The following CADM2 variants were observed in gnomAD, a reference collection of about 807,000 sequenced individuals.
The protein encoded by CADM2 is immunoglobulin superfamily member 4D.
Under a neutral mutation model 49.8 loss-of-function variants are expected in CADM2, and 12 were observed. The observed-to-expected ratio is 0.24, with a 90% CI of 0.15 to 0.39. CADM2 has a LOEUF of 0.39. Among genes scored for constraint, CADM2 ranks in the 10% least tolerant of loss-of-function variants. CADM2 has a pLI of 1.00. For synonymous variants in CADM2, 214 were observed against 175.4 expected, an observed-to-expected ratio of 1.22 and a Z score of -1.74; for missense variants, 378 against 492.3, an observed-to-expected ratio of 0.77 and a Z score of 2.20.
chr3:85,219,999 GAGAT>G (rs1375976251), intron 1 of CADM2, among the ~76,000 whole-genome samples: 2 of 152,094 alleles, frequency 1.3e-5, no homozygotes, highest in African/African-American at 4.8e-5. Flanking sequence ...AGGTATAATG[GAGAT>G]AGATAAAATT....
chr3:85,723,907 G>GA (rs2067596232), intron 1 of CADM2, among the ~76,000 whole-genome samples: 1 of 151,984 alleles, frequency 6.6e-6, no homozygotes, highest in Admixed American at 6.6e-5. Context: ...ATTTGAGTTT[G>GA]AAGCAAATTT....
At chr3:85,634,717 T>C (rs1437706007) in intron 1 of CADM2, among the ~76,000 whole-genome samples, 7 of 152,132 alleles carry the variant, frequency 4.6e-5, no homozygotes, top group African/African-American at 1.7e-4. Context: ...TATCAATGTG[T>C]ACTTGACTCT....
intron 1 of CADM2, among the ~76,000 whole-genome samples, chr3:85,124,678 T>G (rs79361856): frequency 0.014 from 2,088 of 152,286 alleles, 22 homozygotes; most frequent in Non-Finnish European, 0.024. Context: ...TATTCAAACA[T>G]TCAATTACAC....
chr3:85,500,134 T>A (rs2040055600), intron 1 of CADM2, among the ~76,000 whole-genome samples: 1 of 152,150 alleles, frequency 6.6e-6, no homozygotes, highest in Non-Finnish European at 1.5e-5. Context: ...AAGAAACTAT[T>A]TTACCTCTAT....
intron 1 of CADM2, among the ~76,000 whole-genome samples, chr3:85,310,923 AGTGTG>A (rs2044326300): frequency 6.6e-6 from 1 of 152,132 alleles, no homozygotes; most frequent in Non-Finnish European, 1.5e-5. Flanking sequence ...TAATGAAGGG[AGTGTG>A]GTGAGTCTAT....
At chr3:85,627,788 AT>A (rs1302767505) in intron 1 of CADM2, among the ~76,000 whole-genome samples, 1 of 152,078 alleles carries the variant, frequency 6.6e-6, no homozygotes, top group Non-Finnish European at 1.5e-5. Context: ...CCAAAAGCTC[AT>A]TTCTTATTTT....
At chr3:84,974,069 T>G (rs1425445464) in intron 1 of CADM2, among the ~76,000 whole-genome samples, 8 of 152,102 alleles carry the variant, frequency 5.3e-5, no homozygotes, top group Admixed American at 5.2e-4. Flanking sequence ...GGCATCATAT[T>G]TTACTTCCTT....
intron 1 of CADM2, among the ~76,000 whole-genome samples, chr3:85,532,107 G>A (rs1376530385): frequency 6.6e-6 from 1 of 152,134 alleles, no homozygotes; most frequent in East Asian, 1.9e-4. Flanking sequence ...AACCCAGGAG[G>A]CGGAGCTTGC....
chr3:85,439,723 T>TA (rs1217420524), intron 1 of CADM2, among the ~76,000 whole-genome samples: 3 of 152,184 alleles, frequency 2.0e-5, no homozygotes, highest in Admixed American at 6.6e-5. Flanking sequence ...GGACTGTCCC[T>TA]AAAATCTTCA....
chr3:85,096,540 A>G (rs186179330), intron 1 of CADM2, among the ~76,000 whole-genome samples: 33 of 152,294 alleles, frequency 2.2e-4, no homozygotes, highest in African/African-American at 7.7e-4. Flanking sequence ...GTTTGGGTTG[A>G]AAGTTAATTT....
intron 1 of CADM2, among the ~76,000 whole-genome samples, chr3:85,599,667 T>G (rs962250104): frequency 1.4e-4 from 20 of 142,098 alleles, no homozygotes; most frequent in Non-Finnish European, 2.8e-4. Flanking sequence ...AAAAATCACA[T>G]GCTTTGAAAA....
intron 6 of CADM2, among the ~76,000 whole-genome samples, chr3:85,926,029 C>T (rs140166303): frequency 3.3e-5 from 5 of 151,470 alleles, no homozygotes; most frequent in Admixed American, 1.3e-4. Context: ...CCCAGCTACT[C>T]GGGAGGCTGA....
At chr3:85,424,468 G>A (rs971119194) in intron 1 of CADM2, among the ~76,000 whole-genome samples, 8 of 151,742 alleles carry the variant, frequency 5.3e-5, no homozygotes, top group Non-Finnish European at 8.8e-5. Flanking sequence ...ACTATTCTTA[G>A]TTGACAAGTA....
At chr3:85,092,562 T>C (rs1039408527) in intron 1 of CADM2, among the ~76,000 whole-genome samples, 1 of 152,186 alleles carries the variant, frequency 6.6e-6, no homozygotes, top group African/African-American at 2.4e-5. Context: ...TAAGAATCAT[T>C]ACTTTAGATA....
At chr3:85,083,090 T>TGTATATGTGTATTATATACATA (rs1393522722) in intron 1 of CADM2, among the ~76,000 whole-genome samples, 3 of 152,166 alleles carry the variant, frequency 2.0e-5, no homozygotes, top group East Asian at 3.9e-4. Context: ...CATATACATA[T>TGTATATGTGTATTATATACATA]GTATATGTGT....
At chr3:85,367,241 G>A (rs917793164) in intron 1 of CADM2, among the ~76,000 whole-genome samples, 2 of 151,668 alleles carry the variant, frequency 1.3e-5, no homozygotes, top group Non-Finnish European at 2.9e-5. Flanking sequence ...TTTATTTATT[G>A]CTAACCAACA....
chr3:85,781,869 A>G (rs1328124955), intron 2 of CADM2, among the ~76,000 whole-genome samples: 1 of 152,210 alleles, frequency 6.6e-6, no homozygotes, highest in African/African-American at 2.4e-5. Flanking sequence ...GAAAAACTGT[A>G]AAATGTTTGG....
chr3:85,013,242 G>A (rs1045170698), intron 1 of CADM2, among the ~76,000 whole-genome samples: 1 of 151,486 alleles, frequency 6.6e-6, no homozygotes, highest in Non-Finnish European at 1.5e-5. Flanking sequence ...ACAAGAAAGA[G>A]ATCTAGGAAG....
chr3:85,791,765 C>T (rs1454322241), intron 2 of CADM2, among the ~76,000 whole-genome samples: 1 of 151,992 alleles, frequency 6.6e-6, no homozygotes, highest in Non-Finnish European at 1.5e-5. Context: ...ACTTTGTCAC[C>T]CAGGCTGGAG....
Sources: allele counts gnomAD v4.1 joint callset (sites outside exome capture counted in the v4.1 genomes callset), GRCh38; gene constraint gnomAD v4.1.1; transcripts MANE v1.5; gene names NCBI Gene and HGNC (gene_info 2026-07-23, HGNC 2026-07-21).